Variants in SDK1 observed in about 807,000 individuals in gnomAD.
The protein encoded by SDK1 is protein sidekick-1.
A neutral mutation model predicts 245.5 loss-of-function variants in SDK1; 157 were observed. That is an observed-to-expected ratio of 0.64 (90% CI 0.56 to 0.73). The LOEUF is 0.73. Ranked by LOEUF, SDK1 falls within the 30% of genes least tolerant of loss-of-function variation. SDK1 has a pLI of 0.00. For missense variants in SDK1, 3,583 were observed against 3,002.3 expected (o/e 1.19, Z -4.52); for synonymous variants, 1,647 against 1,278.5 (o/e 1.29, Z -6.15).
At chr7:4,169,608 A>G (rs1169277733) in intron 32 of SDK1, among the ~76,000 whole-genome samples, 1 of 152,190 alleles carries the variant, frequency 6.6e-6, no homozygotes, top group Non-Finnish European at 1.5e-5. Flanking sequence ...CCGGTGCACT[A>G]TAGCTCAGGA....
At chr7:3,980,762 C>T (rs868026913) in intron 13 of SDK1, among the ~76,000 whole-genome samples, 5 of 152,136 alleles carry the variant, frequency 3.3e-5, no homozygotes, top group South Asian at 2.1e-4. Flanking sequence ...GCCAAGATGG[C>T]GAAACCCTGT....
At chr7:4,075,915 A>C (rs569262277) in intron 20 of SDK1, among the ~76,000 whole-genome samples, 41 of 152,192 alleles carry the variant, frequency 2.7e-4, no homozygotes, top group African/African-American at 9.4e-4. Context: ...GGCCTCCCCA[A>C]GTGCTGGGAT....
intron 5 of SDK1, among the ~76,000 whole-genome samples, chr7:3,880,902 C>T (rs1415590817): frequency 2.6e-5 from 4 of 151,966 alleles, no homozygotes; most frequent in Non-Finnish European, 4.4e-5. Context: ...GAAGGAAAGG[C>T]GAGGAAGGCG....
chr7:3,425,183 T>C (rs1375307228), intron 1 of SDK1, among the ~76,000 whole-genome samples: 1 of 152,004 alleles, frequency 6.6e-6, no homozygotes, highest in Non-Finnish European at 1.5e-5. Context: ...CCTTCTGTTT[T>C]TCTTCCCCAT....
chr7:4,041,290 T>C (rs950540533), intron 17 of SDK1, among the ~76,000 whole-genome samples: 1 of 147,126 alleles, frequency 6.8e-6, no homozygotes, highest in African/African-American at 2.5e-5. Context: ...TTGTTTTACT[T>C]TTTTTTTTTT....
chr7:3,815,740 C>T (rs1196111795), intron 4 of SDK1, among the ~76,000 whole-genome samples: 5 of 151,812 alleles, frequency 3.3e-5, no homozygotes, highest in East Asian at 1.9e-4. Context: ...GTGCACCAAG[C>T]GGACCTAATA....
intron 1 of SDK1, among the ~76,000 whole-genome samples, chr7:3,347,060 C>T (rs1257045542): frequency 6.6e-6 from 1 of 151,470 alleles, no homozygotes; most frequent in Non-Finnish European, 1.5e-5. Context: ...TAAATTCTTG[C>T]TGTTCCCTGA....
At position 3,969,464 on chromosome 7, in the gene SDK1, CG is replaced by C. The variant is rs775222445; in HGVS notation, c.1714+42del. On this transcript the variant is annotated intron_variant, in intron 11 of 44. Transcript: ENST00000404826. The stretch of plus-strand genomic sequence containing the variant: ...TCGCACGTCGGCCTTCTGTTAGCCA[CG>C]GTTTAATCATCACGTCATCGTGTGC... 2.0e-6 allele frequency: 3 copies of C among 1,466,250 alleles called. No homozygotes were observed. In the African/African-American group the frequency reaches 4.2e-5, roughly 21 times the overall value. The allele number at this position is 1,466,250 out of a possible 1,614,324, so 90.8% of individuals were successfully genotyped here.
chr7:4,106,676 G>A (rs928806453), intron 22 of SDK1, among the ~76,000 whole-genome samples: 13 of 152,276 alleles, frequency 8.5e-5, no homozygotes, highest in African/African-American at 2.4e-4. Flanking sequence ...AGAGAAACCC[G>A]ATGAGCCTGG....
chr7:3,532,396 C>T (rs4722903), intron 1 of SDK1, among the ~76,000 whole-genome samples: 2 of 151,982 alleles, frequency 1.3e-5, no homozygotes, highest in Non-Finnish European at 2.9e-5. Flanking sequence ...CTGGCTTTGG[C>T]GCTTTGCTCT....
At chr7:4,185,521 C>T (rs879587225) in intron 35 of SDK1, among the ~76,000 whole-genome samples, 7 of 152,130 alleles carry the variant, frequency 4.6e-5, no homozygotes, top group Admixed American at 2.0e-4. Flanking sequence ...AAGCTGTTTC[C>T]GCCTGGGATG....
At chr7:3,623,841 A>C (rs1782025445) in intron 2 of SDK1, among the ~76,000 whole-genome samples, 1 of 152,188 alleles carries the variant, frequency 6.6e-6, no homozygotes, top group African/African-American at 2.4e-5. Context: ...AAAATTTTAT[A>C]GTTTTCTTAT....
intron 22 of SDK1, among the ~76,000 whole-genome samples, chr7:4,105,740 A>G (rs901248233): frequency 5.3e-5 from 8 of 152,210 alleles, no homozygotes; most frequent in Non-Finnish European, 1.2e-4. Flanking sequence ...GCTAAGAGGG[A>G]TGCTGTTCAG....
In SDK1 at chr7:3,655,494, T is replaced by TGTATGC. The variant is rs1368456732; in HGVS notation, c.713+13389_713+13390insGTATGC. On this transcript the variant is annotated intron_variant, in intron 4 of 44. Coordinates refer to ENST00000404826, the MANE Select transcript of SDK1 (RefSeq NM_152744.4). ...ATATATATATATATATATATATATA[T>TGTATGC]ATATATATATGTATGTATGTATATA... is the stretch of plus-strand genomic sequence containing the variant. Among the ~76,000 whole-genome samples, 552 of 72,458 alleles carry TGTATGC rather than the reference T, an allele frequency of 7.6e-3. 26 individuals are homozygous for TGTATGC. Among genetic ancestry groups the TGTATGC allele is most frequent in the African/African-American group, 0.018 (501 of 27,588 alleles). The allele number at this position is 72,458 out of a possible 152,430, so 47.5% of individuals were successfully genotyped here.
intron 1 of SDK1, among the ~76,000 whole-genome samples, chr7:3,346,454 C>A (rs1341916205): frequency 6.6e-6 from 1 of 152,074 alleles, no homozygotes; most frequent in African/African-American, 2.4e-5. Flanking sequence ...CTTCAGATTC[C>A]ACAAGTGTGC....
At chr7:3,667,070 A>G (rs540836369) in intron 4 of SDK1, among the ~76,000 whole-genome samples, 2 of 152,290 alleles carry the variant, frequency 1.3e-5, no homozygotes, top group Admixed American at 6.5e-5. Context: ...TAGAAGAAAA[A>G]TAAATGACAA....
intron 5 of SDK1, among the ~76,000 whole-genome samples, chr7:3,950,210 G>A (rs1780746439): frequency 6.6e-6 from 1 of 152,246 alleles, no homozygotes; most frequent in Non-Finnish European, 1.5e-5. Flanking sequence ...GACACTGGCT[G>A]TGCTTGGACC....
intron 35 of SDK1, among the ~76,000 whole-genome samples, chr7:4,179,593 G>A (rs1418649395): frequency 2.0e-5 from 3 of 152,044 alleles, no homozygotes; most frequent in Non-Finnish European, 2.9e-5. Flanking sequence ...AAGAGCATAC[G>A]GTATTTCTGC....
At chr7:3,514,040 G>T (rs1283493523) in intron 1 of SDK1, among the ~76,000 whole-genome samples, 5 of 152,056 alleles carry the variant, frequency 3.3e-5, no homozygotes, top group Non-Finnish European at 7.4e-5. Flanking sequence ...CCATTGATAG[G>T]CACCTAGGTT....
Sources: gnomAD v4.1 joint callset for allele counts (sites outside exome capture counted in the v4.1 genomes callset) on GRCh38, gnomAD v4.1.1 for gene constraint, MANE v1.5 for transcripts, NCBI Gene and HGNC (gene_info 2026-07-23, HGNC 2026-07-21) for gene names.